Variants in PAEP observed in about 807,000 individuals in gnomAD.
The protein encoded by PAEP is glycodelin.
PAEP carries 28 observed loss-of-function variants against 23.0 expected under a neutral mutation model. The ratio of observed to expected loss-of-function variants is 1.22; its 90% confidence interval spans 0.90 to 1.67. PAEP has a LOEUF of 1.67. PAEP is among the 40% of genes most tolerant of loss of function. The pLI is 0.00. For synonymous variants in PAEP, 103 were observed against 92.4 expected, an observed-to-expected ratio of 1.12 and a Z score of -0.66; for missense variants, 209 against 226.4, an observed-to-expected ratio of 0.92 and a Z score of 0.49.
chr9:135,565,159 A>G (rs997590088), intron 4 of PAEP, among the ~76,000 whole-genome samples: 1 of 152,342 alleles, frequency 6.6e-6, no homozygotes, highest in African/African-American at 2.4e-5. Context: ...TAAGCTGTGC[A>G]GACCCCAGCG....
intron 6 of PAEP, chr9:135,566,158 G>A (rs951241583): frequency 3.7e-6 from 1 of 268,866 alleles, no homozygotes; most frequent in Admixed American, 4.8e-5. Context: ...GCAGGTCTCG[G>A]TCCCACGTTC....
chr9:135,564,861 T>A (rs550394586), intron 4 of PAEP: 553 of 985,428 alleles, frequency 5.6e-4, no homozygotes, highest in Non-Finnish European at 6.3e-4. Context: ...GGAGCTGATA[T>A]AGGGCCAGTG....
chr9:135,565,248 GC>G, intron 4 of PAEP, 161 bp from the exon 5 acceptor site: 1 of 632,300 alleles, frequency 1.6e-6, no homozygotes, highest in Non-Finnish European at 2.8e-6. Flanking sequence ...AGTGGACAGA[GC>G]CCCGGAGACC....
At chr9:135,562,482 C>G (rs142564370) in intron 2 of PAEP, 49 bp downstream of exon 2, 54 of 1,595,826 alleles carry the variant, frequency 3.4e-5, no homozygotes, top group East Asian at 2.9e-4. Context: ...CAGTCTCCCC[C>G]CTCAGGGGTC....
chr9:135,562,531 AG>A, intron 2 of PAEP, 98 bp downstream of exon 2: 1 of 1,450,192 alleles, frequency 6.9e-7, no homozygotes, highest in Non-Finnish European at 9.3e-7. Context: ...ACTTAGCCCC[AG>A]GCATTTTCTG....
intron 4 of PAEP, chr9:135,564,819 C>T (rs1832501280): frequency 5.1e-6 from 5 of 985,284 alleles, no homozygotes; most frequent in Non-Finnish European, 6.0e-6. Context: ...GAGTTTTTCT[C>T]CAGCGGTTCA....
intron 2 of PAEP, 136 bp from the exon 3 acceptor site, chr9:135,562,684 G>A (rs1383130913): frequency 1.2e-6 from 1 of 843,324 alleles, no homozygotes; most frequent in African/African-American, 1.7e-5. Flanking sequence ...GTCAGACTGA[G>A]GAGAAGGTCT....
intron 4 of PAEP, chr9:135,564,946 A>G (rs775030321): frequency 1.0e-5 from 9 of 886,738 alleles, no homozygotes; most frequent in Non-Finnish European, 1.2e-5. Flanking sequence ...AAACGCCCTG[A>G]AACCTATGAT....
rs142564370 is a variant in PAEP at position 135,562,482 on chromosome 9, C to A, written c.236+49C>A. 4,757 of 1,595,914 alleles carry A rather than the reference C, an allele frequency of 3.0e-3. 124 individuals are homozygous for A. The African/African-American group carries it at 0.057, about 19-fold the overall frequency. On this transcript the variant is annotated intron_variant, in intron 2 of 6. Coordinates refer to ENST00000479141, the MANE Select transcript of PAEP (RefSeq NM_002571.4). ...GGCTGGGCGGGGGCTCAGTCTCCCCCCTCAGGGGTCCAGGACTGGGTGGGT... is the reference window on the plus strand; with the variant it reads ...GGCTGGGCGGGGGCTCAGTCTCCCCACTCAGGGGTCCAGGACTGGGTGGGT...
intron 4 of PAEP, 89 bp from the exon 5 acceptor site, chr9:135,565,321 C>T: frequency 9.2e-7 from 1 of 1,092,154 alleles, no homozygotes; most frequent in East Asian, 2.4e-5. Context: ...GCCTCCTTCT[C>T]TGCCCTCCCT....
chr9:135,563,319 T>G (rs965006622), intron 3 of PAEP, among the ~76,000 whole-genome samples: 1 of 150,848 alleles, frequency 6.6e-6, no homozygotes, highest in African/African-American at 2.5e-5. Flanking sequence ...GGTGAGTAAG[T>G]GGTTAGGTGA....
chr9:135,562,205 C>T (rs1178497950), intron 1 of PAEP, 89 bp from the exon 2 acceptor site: 1 of 1,444,204 alleles, frequency 6.9e-7, no homozygotes, highest in African/African-American at 1.4e-5. Context: ...CTCACTGTAC[C>T]CATCCCAGTT....
chr9:135,563,078 G>C (rs1440743740), intron 3 of PAEP, 185 bp downstream of exon 3: 1 of 592,532 alleles, frequency 1.7e-6, no homozygotes, highest in African/African-American at 1.9e-5. Context: ...TTTACCTGGA[G>C]GGCAGGGGAA....
chr9:135,562,320 C>T lies in PAEP; in HGVS notation c.123C>T (p.Ala41=). The part of the protein sequence containing the change: ...PKLAGTWHSM[A]MATNNISLMA... ...TGGCAGGGACCTGGCACTCCATGGC[C>T]ATGGCGACCAACAACATCTCCCTCA... is the stretch of plus-strand genomic sequence containing the variant. Residue 41 remains alanine (A), a synonymous_variant, in exon 2 of 7, where the codon GCC becomes GCT. Transcript: ENST00000479141. The T allele has an allele frequency of 6.2e-7, 1 of 1,614,052 alleles. No homozygotes were observed. Among genetic ancestry groups the T allele is most frequent in the African/African-American group, 1.3e-5 (1 of 75,056 alleles).
At chr9:135,564,862 A>T (rs966484391) in intron 4 of PAEP, 1 of 985,296 alleles carries the variant, frequency 1.0e-6, no homozygotes, top group African/African-American at 1.7e-5. Flanking sequence ...GAGCTGATAT[A>T]GGGCCAGTGG....
chr9:135,565,751 G>C (rs370101071), intron 5 of PAEP, 34 bp from the exon 6 acceptor site: 2 of 1,613,480 alleles, frequency 1.2e-6, no homozygotes, highest in African/African-American at 1.3e-5. Flanking sequence ...CTCTTCTCTC[G>C]CTGACACCTC....
At chr9:135,564,745 C>G in intron 4 of PAEP, 1 of 919,260 alleles carries the variant, frequency 1.1e-6, no homozygotes, top group East Asian at 1.2e-4. Context: ...ATCAAGTGAT[C>G]CACCCGCCTT....
chr9:135,565,192 G>A, intron 4 of PAEP: 1 of 578,748 alleles, frequency 1.7e-6, no homozygotes, highest in Non-Finnish European at 3.1e-6. Context: ...GAGCAGAGGG[G>A]GCCGGGCCAA....
intron 4 of PAEP, chr9:135,564,831 C>A (rs373752450): frequency 1.0e-6 from 1 of 985,280 alleles, no homozygotes; most frequent in African/African-American, 1.7e-5. Context: ...AGCGGTTCAT[C>A]GAGTCCTCTG....
Sources: gnomAD v4.1 joint callset for allele counts (sites outside exome capture counted in the v4.1 genomes callset) on GRCh38, gnomAD v4.1.1 for gene constraint, MANE v1.5 for transcripts, NCBI Gene and HGNC (gene_info 2026-07-23, HGNC 2026-07-21) for gene names.